The following IL1RAPL1 variants were observed in gnomAD, a reference collection of about 807,000 sequenced individuals.
The protein encoded by IL1RAPL1 is interleukin-1 receptor accessory protein-like 1.
In IL1RAPL1, 3 loss-of-function variants were observed where a neutral mutation model predicts 48.4. That is an observed-to-expected ratio of 0.06 (90% CI 0.03 to 0.16). IL1RAPL1 has a LOEUF of 0.16. Ranked by LOEUF, IL1RAPL1 falls within the 10% of genes least tolerant of loss-of-function variation. The pLI, the probability that IL1RAPL1 is intolerant of heterozygous loss-of-function variation, is 1.00. For missense variants in IL1RAPL1, 349 were observed against 530.6 expected, an observed-to-expected ratio of 0.66 and a Z score of 3.36; for synonymous variants, 185 against 187.7, an observed-to-expected ratio of 0.99 and a Z score of 0.12.
At chrX:29,023,042 A>G (rs1926407198) in intron 2 of IL1RAPL1, among the ~76,000 whole-genome samples, 1 of 112,160 alleles carries the variant, frequency 8.9e-6, no homozygotes, top group African/African-American at 3.2e-5. Context: ...ATTACAGCTG[A>G]TGTAAGCTTT....
chrX:29,806,107 G>A (rs745745356), intron 6 of IL1RAPL1, among the ~76,000 whole-genome samples: 2 of 110,485 alleles, frequency 1.8e-5, no homozygotes, highest in African/African-American at 6.6e-5. Flanking sequence ...AAAATGGGAG[G>A]GGGCAATATA....
At chrX:29,217,785 A>T (rs1930905570) in intron 2 of IL1RAPL1, among the ~76,000 whole-genome samples, 1 of 103,787 alleles carries the variant, frequency 9.6e-6, no homozygotes, top group African/African-American at 3.6e-5. Flanking sequence ...TCTCACACAC[A>T]CACACACACA....
chrX:29,781,233 A>G (rs1481139135), intron 6 of IL1RAPL1, among the ~76,000 whole-genome samples: 2 of 112,080 alleles, frequency 1.8e-5, no homozygotes, highest in East Asian at 5.6e-4. Context: ...TGCAATTCTC[A>G]CTTGTTGTGA....
intron 5 of IL1RAPL1, among the ~76,000 whole-genome samples, chrX:29,475,834 G>GTTT (rs572921846): frequency 9.7e-6 from 1 of 103,184 alleles, no homozygotes; most frequent in Admixed American, 1.0e-4. Context: ...ACGTTATGAA[G>GTTT]TTTTTTTTTT....
At chrX:28,833,925 A>G (rs1202412540) in intron 2 of IL1RAPL1, among the ~76,000 whole-genome samples, 1 of 112,318 alleles carries the variant, frequency 8.9e-6, no homozygotes, top group Non-Finnish European at 1.9e-5. Context: ...AATTTTAATA[A>G]TGCATTTATG....
rs1440013018 is a variant in IL1RAPL1 at position 29,101,644 on chromosome X, ATCAT to A, written c.83-181289_83-181286del. On this transcript the variant is annotated intron_variant, in intron 2 of 10. Transcript: ENST00000378993. ...CATAATTCAGCAACACATTAAAAAGATCATTCATCAGCTGGGCGCGGTGGCTCAT... is the reference window on the plus strand; with the variant it reads ...CATAATTCAGCAACACATTAAAAAGATCATCAGCTGGGCGCGGTGGCTCAT... Among the ~76,000 whole-genome samples, 111 of 112,306 alleles carry A rather than the reference ATCAT, an allele frequency of 9.9e-4. 2 individuals are homozygous for A. The highest frequency in any genetic ancestry group is 9.1e-3 in the Admixed American group (96 of 10,589).
intron 5 of IL1RAPL1, among the ~76,000 whole-genome samples, chrX:29,435,710 G>A (rs1054888187): frequency 1.8e-5 from 2 of 110,831 alleles, no homozygotes; most frequent in African/African-American, 3.3e-5. Flanking sequence ...TTACATTTAC[G>A]AAAGAAAAAA....
At position 28,794,095 on chromosome X, in the gene IL1RAPL1, A is replaced by AT. The variant is rs746055382; in HGVS notation, c.82+4679dup. ...TAAATAGAGGCATTTAAGAAAAATG[A>AT]TTTTTTTTTCTTAAAGAGCAATCAG... On this transcript the variant is annotated intron_variant, in intron 2 of 10. Coordinates refer to ENST00000378993, the MANE Select transcript of IL1RAPL1 (RefSeq NM_014271.4). Among the ~76,000 whole-genome samples the AT allele has an allele frequency of 1.3e-4, 14 of 110,287 alleles. No homozygotes were observed. In the East Asian group the frequency reaches 1.7e-3, roughly 14 times the overall value.
chrX:29,803,663 A>C (rs1186930577), intron 6 of IL1RAPL1, among the ~76,000 whole-genome samples: 1 of 102,011 alleles, frequency 9.8e-6, no homozygotes, highest in African/African-American at 3.8e-5. Flanking sequence ...ATATATATAC[A>C]CACACACAAT....
intron 2 of IL1RAPL1, among the ~76,000 whole-genome samples, chrX:29,081,024 CTTTTCTTTTCT>C (rs1458217047): frequency 1.1e-3 from 44 of 41,504 alleles, no homozygotes; most frequent in East Asian, 2.4e-3. Context: ...CTCTCTCTTT[CTTTTCTTTTCT>C]TTTCTTTTCT....
At chrX:29,520,587 A>T (rs1935492626) in intron 5 of IL1RAPL1, among the ~76,000 whole-genome samples, 1 of 111,631 alleles carries the variant, frequency 9.0e-6, no homozygotes, top group Admixed American at 9.5e-5. Context: ...GCTTAAATTA[A>T]TGAGCCTTTC....
At chrX:28,685,195 T>A (rs1167808129) in intron 1 of IL1RAPL1, among the ~76,000 whole-genome samples, 2 of 112,466 alleles carry the variant, frequency 1.8e-5, no homozygotes, top group Non-Finnish European at 3.8e-5. Flanking sequence ...TTCCCCTAAT[T>A]ACAACATTAA....
chrX:29,534,113 T>C (rs1020640656), intron 5 of IL1RAPL1, among the ~76,000 whole-genome samples: 1 of 111,967 alleles, frequency 8.9e-6, no homozygotes, highest in African/African-American at 3.3e-5. Flanking sequence ...CCTTCAGAAA[T>C]TGAGCCAAAT....
At chrX:29,030,005 CT>C (rs1471851290) in intron 2 of IL1RAPL1, among the ~76,000 whole-genome samples, 2 of 104,261 alleles carry the variant, frequency 1.9e-5, no homozygotes, top group Admixed American at 1.0e-4. Context: ...AAAAGGCTAT[CT>C]TTTTTTCATT....
intron 6 of IL1RAPL1, among the ~76,000 whole-genome samples, chrX:29,722,318 A>C (rs1200640110): frequency 2.7e-5 from 3 of 112,230 alleles, no homozygotes; most frequent in Non-Finnish European, 5.6e-5. Flanking sequence ...AAAATTAATT[A>C]AAATACTTTT....
chrX:28,848,925 C>T (rs1921583939), intron 2 of IL1RAPL1, among the ~76,000 whole-genome samples: 1 of 111,585 alleles, frequency 9.0e-6, no homozygotes, highest in Non-Finnish European at 1.9e-5. Flanking sequence ...TTAACATGAC[C>T]TAATTTTCAG....
chrX:28,897,188 G>T (rs1414628473), intron 2 of IL1RAPL1, among the ~76,000 whole-genome samples: 1 of 103,356 alleles, frequency 9.7e-6, no homozygotes, highest in Non-Finnish European at 2.0e-5. Context: ...CAGAAAAGCA[G>T]AGAAGGGGTA....
chrX:29,532,984 A>T (rs1921093153), intron 5 of IL1RAPL1, among the ~76,000 whole-genome samples: 1 of 111,978 alleles, frequency 8.9e-6, no homozygotes, highest in African/African-American at 3.2e-5. Flanking sequence ...CTGTCCAAAG[A>T]TTTCTTAAAC....
chrX:29,865,316 T>G (rs1379851631), intron 6 of IL1RAPL1, among the ~76,000 whole-genome samples: 5 of 111,971 alleles, frequency 4.5e-5, no homozygotes, highest in Non-Finnish European at 7.5e-5. Flanking sequence ...AATAATAACT[T>G]CAGAGAAATA....
Sources: allele counts gnomAD v4.1 joint callset (sites outside exome capture counted in the v4.1 genomes callset), GRCh38; gene constraint gnomAD v4.1.1; transcripts MANE v1.5; gene names NCBI Gene and HGNC (gene_info 2026-07-23, HGNC 2026-07-21).